ZMAT4: variants seen among roughly 807,000 people sequenced by gnomAD.
The protein encoded by ZMAT4 is zinc finger matrin-type protein 4.
In ZMAT4, 17 loss-of-function variants were observed where a neutral mutation model predicts 28.7. The ratio of observed to expected loss-of-function variants is 0.59; its 90% CI spans 0.41 to 0.89. The LOEUF is 0.89. Among genes scored for constraint, ZMAT4 ranks in the 40% least tolerant of loss-of-function variants. The pLI is 0.00. For synonymous variants in ZMAT4, 117 were observed against 109.2 expected (o/e 1.07, Z -0.44); for missense variants, 240 against 283.8 (o/e 0.85, Z 1.11).
At chr8:40,725,993 T>G (rs937178843) in intron 3 of ZMAT4, among the ~76,000 whole-genome samples, 1 of 152,250 alleles carries the variant, frequency 6.6e-6, no homozygotes, top group Non-Finnish European at 1.5e-5. Flanking sequence ...TCTTACTTAT[T>G]TCTCAACAGA....
chr8:40,587,716 GAAGA>G (rs1443069280), intron 5 of ZMAT4, among the ~76,000 whole-genome samples: 11 of 152,004 alleles, frequency 7.2e-5, no homozygotes, highest in African/African-American at 2.6e-4. Context: ...ACAGAAAATG[GAAGA>G]AACAAATAGA....
intron 5 of ZMAT4, among the ~76,000 whole-genome samples, chr8:40,648,103 G>T (rs1048142153): frequency 3.3e-5 from 5 of 152,198 alleles, no homozygotes; most frequent in African/African-American, 1.2e-4. Context: ...AGAGAAGGCG[G>T]CTTCAGACGA....
At chr8:40,807,625 C>G (rs766992504) in intron 2 of ZMAT4, among the ~76,000 whole-genome samples, 15 of 152,300 alleles carry the variant, frequency 9.8e-5, no homozygotes, top group Middle Eastern at 3.4e-3. Flanking sequence ...ATTTTAGCTA[C>G]AGGATTGCTT....
intron 3 of ZMAT4, among the ~76,000 whole-genome samples, chr8:40,735,790 C>A (rs1811737488): frequency 6.6e-6 from 1 of 152,120 alleles, no homozygotes; most frequent in Non-Finnish European, 1.5e-5. Flanking sequence ...GGACGTTTAA[C>A]CGCAGGACCC....
At position 40,812,507 on chromosome 8, in the gene ZMAT4, T is replaced by C. The variant is rs998557665; in HGVS notation, c.102+13068A>G. On this transcript the variant is annotated intron_variant, in intron 2 of 6. Coordinates refer to ENST00000297737, the MANE Select transcript of ZMAT4 (RefSeq NM_024645.3). ...ACGAGGAAAACCTGAGAAACTGTTA[T>C]AGTCTAGAGCAGCCTACAGAGACAT... Among the ~76,000 whole-genome samples the C allele has an allele frequency of 4.6e-5, 7 of 152,344 alleles. No homozygotes were observed. The South Asian group carries it at 1.0e-3, about 23-fold the overall frequency.
At chr8:40,720,663 G>A (rs942668774) in intron 3 of ZMAT4, among the ~76,000 whole-genome samples, 1 of 151,134 alleles carries the variant, frequency 6.6e-6, no homozygotes, top group Non-Finnish European at 1.5e-5. Context: ...AAGTAGCTAA[G>A]ATTACAGGTA....
chr8:40,621,081 A>G (rs1333313367), intron 5 of ZMAT4, among the ~76,000 whole-genome samples: 3 of 152,218 alleles, frequency 2.0e-5, no homozygotes, highest in Non-Finnish European at 4.4e-5. Flanking sequence ...CTGCCCTTCT[A>G]GCCTAACAAG....
chr8:40,610,206 T>C (rs563300902), intron 5 of ZMAT4, among the ~76,000 whole-genome samples: 1 of 152,242 alleles, frequency 6.6e-6, no homozygotes, highest in Non-Finnish European at 1.5e-5. Flanking sequence ...TTCGTTTATA[T>C]AATACATCCA....
At chr8:40,842,800 A>C (rs993767403) in intron 1 of ZMAT4, among the ~76,000 whole-genome samples, 1 of 152,158 alleles carries the variant, frequency 6.6e-6, no homozygotes, top group African/African-American at 2.4e-5. Context: ...TTTAAGATGG[A>C]GTTTCACTCT....
intron 2 of ZMAT4, among the ~76,000 whole-genome samples, chr8:40,786,456 C>CATTCATTCATTA (rs1285043302): frequency 6.6e-6 from 1 of 152,062 alleles, no homozygotes; most frequent in Admixed American, 6.5e-5. Context: ...GACATTCATT[C>CATTCATTCATTA]ATTCATTCAT....
chr8:40,696,935 A>C (rs948144343), intron 4 of ZMAT4: 3 of 217,048 alleles, frequency 1.4e-5, no homozygotes, highest in African/African-American at 6.8e-5. Context: ...AGAAAACAGA[A>C]TAGATATCAC....
intron 1 of ZMAT4, among the ~76,000 whole-genome samples, chr8:40,874,105 AC>A (rs1262156856): frequency 2.0e-5 from 3 of 152,116 alleles, no homozygotes; most frequent in African/African-American, 7.2e-5. Flanking sequence ...CTTTTCTGTA[AC>A]TTCCGCCCCA....
intron 5 of ZMAT4, among the ~76,000 whole-genome samples, chr8:40,660,984 C>T (rs1362828953): frequency 2.6e-5 from 4 of 152,140 alleles, no homozygotes; most frequent in African/African-American, 9.7e-5. Flanking sequence ...AGGACAATGG[C>T]ATCTTGGTAT....
chr8:40,610,978 C>CTAA (rs2118655010), intron 5 of ZMAT4, among the ~76,000 whole-genome samples: 1 of 147,862 alleles, frequency 6.8e-6, no homozygotes, highest in East Asian at 2.0e-4. Flanking sequence ...CACTACATAA[C>CTAA]TAATACACAA....
chr8:40,605,723 T>C (rs973094769), intron 5 of ZMAT4, among the ~76,000 whole-genome samples: 5 of 152,236 alleles, frequency 3.3e-5, no homozygotes, highest in Non-Finnish European at 7.3e-5. Context: ...CTTTGTTGAC[T>C]TTCTGTCTTG....
At chr8:40,648,532 TAGCAAGGC>T (rs1285570708) in intron 5 of ZMAT4, among the ~76,000 whole-genome samples, 1 of 147,672 alleles carries the variant, frequency 6.8e-6, no homozygotes, top group Non-Finnish European at 1.5e-5. Flanking sequence ...TTCCCCAATC[TAGCAAGGC>T]AGGCCAACGT....
At chr8:40,880,618 G>A (rs553669731) in intron 1 of ZMAT4, among the ~76,000 whole-genome samples, 1 of 152,168 alleles carries the variant, frequency 6.6e-6, no homozygotes, top group African/African-American at 2.4e-5. Context: ...ATGCCTATGA[G>A]GTAGGCCATG....
At chr8:40,615,230 C>T (rs1207308590) in intron 5 of ZMAT4, among the ~76,000 whole-genome samples, 1 of 152,082 alleles carries the variant, frequency 6.6e-6, no homozygotes, top group Admixed American at 6.6e-5. Context: ...AAATTCTTTT[C>T]TTTAAGAATG....
intron 4 of ZMAT4, among the ~76,000 whole-genome samples, chr8:40,676,481 G>A (rs867025362): frequency 6.6e-6 from 1 of 152,094 alleles, no homozygotes; most frequent in Non-Finnish European, 1.5e-5. Context: ...ACGAGCATTA[G>A]GGTTGTCGTT....
Sources: gnomAD v4.1 joint callset for allele counts (sites outside exome capture counted in the v4.1 genomes callset) on GRCh38, gnomAD v4.1.1 for gene constraint, MANE v1.5 for transcripts, NCBI Gene and HGNC (gene_info 2026-07-23, HGNC 2026-07-21) for gene names.